Variants in ROBO2 observed in about 807,000 individuals in gnomAD.
ROBO2 encodes the protein roundabout homolog 2.
Under a neutral mutation model 160.8 loss-of-function variants are expected in ROBO2, and 53 were observed. The ratio of observed to expected loss-of-function variants is 0.33; its 90% CI spans 0.26 to 0.41. The LOEUF (loss-of-function observed/expected upper bound fraction) is 0.41. Ranked by LOEUF, ROBO2 falls within the 10% of genes least tolerant of loss-of-function variation. The pLI, the probability that ROBO2 is intolerant of heterozygous loss-of-function variation, is 1.00. For missense variants in ROBO2, 1,577 were observed against 1,722.4 expected (o/e 0.92, Z 1.49); for synonymous variants, 664 against 611.7 (o/e 1.09, Z -1.26).
rs531295337 is a variant in ROBO2, at chr3:76,922,410, C to T, written c.110-175604C>T. Among the ~76,000 whole-genome samples, 81 of 152,254 alleles carry T rather than the reference C, an allele frequency of 5.3e-4. 1 individual carries two copies. Among genetic ancestry groups the T allele is most frequent in the African/African-American group, 1.9e-3 (80 of 41,550 alleles). Reference sequence around the variant, plus strand: ...TCTACCCTTCAGCCAACCAAGGCTTCGAGAGCATGAGGAGGAAATAATTGT... The same window carrying T: ...TCTACCCTTCAGCCAACCAAGGCTTTGAGAGCATGAGGAGGAAATAATTGT... On this transcript the variant is annotated intron_variant, in intron 2 of 26. Transcript: ENST00000487694.
chr3:76,365,500 A>G (rs770290813), intron 2 of ROBO2, among the ~76,000 whole-genome samples: 6 of 152,088 alleles, frequency 3.9e-5, no homozygotes, highest in Admixed American at 6.6e-5. Context: ...GAAATTACTC[A>G]TAGCCGGGTG....
intron 2 of ROBO2, among the ~76,000 whole-genome samples, chr3:76,530,645 T>C (rs1232730559): frequency 7.9e-5 from 12 of 152,222 alleles, no homozygotes; most frequent in Non-Finnish European, 1.3e-4. Context: ...TGCAAAGCCC[T>C]ATTTTAATCA....
At chr3:76,655,382 C>CA (rs549843691) in intron 2 of ROBO2, among the ~76,000 whole-genome samples, 50 of 106,626 alleles carry the variant, frequency 4.7e-4, no homozygotes, top group East Asian at 1.4e-3. Flanking sequence ...AAACAAATTT[C>CA]AAAAAAAAAA....
intron 2 of ROBO2, among the ~76,000 whole-genome samples, chr3:75,988,879 A>G (rs1193406383): frequency 6.6e-6 from 1 of 151,926 alleles, no homozygotes; most frequent in Middle Eastern, 3.2e-3. Flanking sequence ...CTGATGATAT[A>G]TAATTTGTTA....
intron 2 of ROBO2, among the ~76,000 whole-genome samples, chr3:76,101,654 C>T (rs1452623043): frequency 1.3e-5 from 2 of 151,752 alleles, no homozygotes; most frequent in African/African-American, 4.8e-5. Flanking sequence ...CCCATTAACT[C>T]GTCATTTACA....
chr3:77,467,635 T>TATCTATCTATC (rs1582199237), intron 2 of ROBO2, among the ~76,000 whole-genome samples: 5 of 127,304 alleles, frequency 3.9e-5, no homozygotes, highest in South Asian at 5.6e-4. Context: ...ATCTATCATC[T>TATCTATCTATC]ATCTATCTAT....
chr3:77,211,935 A>C (rs369268364), intron 2 of ROBO2, among the ~76,000 whole-genome samples: 1 of 151,502 alleles, frequency 6.6e-6, no homozygotes. Flanking sequence ...TTGGTCTATA[A>C]CTCTGTTTTG....
intron 2 of ROBO2, among the ~76,000 whole-genome samples, chr3:77,188,309 T>C (rs1220054915): frequency 6.8e-6 from 1 of 146,228 alleles, no homozygotes; most frequent in Non-Finnish European, 1.5e-5. Context: ...TTAAATAATA[T>C]GAAAGAGAAA....
intron 2 of ROBO2, among the ~76,000 whole-genome samples, chr3:77,226,241 G>C (rs2086481487): frequency 6.6e-6 from 1 of 151,680 alleles, no homozygotes; most frequent in African/African-American, 2.4e-5. Flanking sequence ...AGAAATTACT[G>C]TCCTAGTAAA....
intron 2 of ROBO2, among the ~76,000 whole-genome samples, chr3:77,394,781 T>C (rs2075104369): frequency 6.6e-6 from 1 of 152,154 alleles, no homozygotes; most frequent in Non-Finnish European, 1.5e-5. Context: ...TCATTTACCT[T>C]ACCTATCTTC....
intron 2 of ROBO2, among the ~76,000 whole-genome samples, chr3:76,782,863 A>G (rs1400123488): frequency 6.6e-6 from 1 of 150,710 alleles, no homozygotes; most frequent in Non-Finnish European, 1.5e-5. Context: ...TTGCATTTGT[A>G]GTAATTAGTT....
At chr3:76,224,391 C>G (rs984313317) in intron 2 of ROBO2, among the ~76,000 whole-genome samples, 2 of 152,138 alleles carry the variant, frequency 1.3e-5, no homozygotes, top group Non-Finnish European at 2.9e-5. Context: ...TCTCCAAGAA[C>G]TGGTAACTTC....
intron 2 of ROBO2, among the ~76,000 whole-genome samples, chr3:76,793,017 A>G (rs2063466793): frequency 6.6e-6 from 1 of 151,834 alleles, no homozygotes; most frequent in Non-Finnish European, 1.5e-5. Flanking sequence ...TTAAATGTAT[A>G]AAGGCAATAT....
At chr3:76,249,751 G>A (rs1471611135) in intron 2 of ROBO2, among the ~76,000 whole-genome samples, 1 of 152,034 alleles carries the variant, frequency 6.6e-6, no homozygotes, top group Non-Finnish European at 1.5e-5. Flanking sequence ...TAACTAACTG[G>A]AACAAATGGA....
At chr3:77,577,224 G>T (rs1156537553) in intron 14 of ROBO2, among the ~76,000 whole-genome samples, 2 of 151,994 alleles carry the variant, frequency 1.3e-5, no homozygotes, top group Non-Finnish European at 2.9e-5. Context: ...GCTCTGTGCG[G>T]GGTGTATAGA....
At chr3:77,097,308 G>A (rs901604774) in intron 1 of ROBO2, among the ~76,000 whole-genome samples, 4 of 151,794 alleles carry the variant, frequency 2.6e-5, no homozygotes, top group Admixed American at 1.3e-4. Context: ...AATTTTTTTC[G>A]GGGAAGGGAT....
chr3:76,066,509 T>C (rs4484199), intron 2 of ROBO2, among the ~76,000 whole-genome samples: 100,282 of 151,804 alleles, frequency 0.66, 33,734 homozygotes, highest in African/African-American at 0.78. Context: ...ACTAATAAGT[T>C]TTTGCAAAAA....
intron 2 of ROBO2, among the ~76,000 whole-genome samples, chr3:76,547,727 T>C (rs2083190463): frequency 6.6e-6 from 1 of 152,220 alleles, no homozygotes; most frequent in Non-Finnish European, 1.5e-5. Context: ...TTTTAAAAAT[T>C]TGCTTGAACA....
At chr3:76,697,637 C>T (rs1306438775) in intron 2 of ROBO2, among the ~76,000 whole-genome samples, 1 of 151,850 alleles carries the variant, frequency 6.6e-6, no homozygotes, top group African/African-American at 2.4e-5. Context: ...CAGAGTGAAA[C>T]CCTGTCTCAA....
Sources: allele counts gnomAD v4.1 joint callset (sites outside exome capture counted in the v4.1 genomes callset), GRCh38; gene constraint gnomAD v4.1.1; transcripts MANE v1.5; gene names NCBI Gene and HGNC (gene_info 2026-07-23, HGNC 2026-07-21).